TMEM273: variants seen among roughly 807,000 people sequenced by gnomAD.
TMEM273 encodes the protein transmembrane protein 273, also known as chromosome 10 open reading frame 128.
In TMEM273, 19 loss-of-function variants were observed where a neutral mutation model predicts 17.9. The observed-to-expected ratio is 1.06, with a 90% CI of 0.74 to 1.55. The LOEUF (loss-of-function observed/expected upper bound fraction) is 1.55, where lower values mean the gene tolerates loss of function less well. Among genes scored for constraint, TMEM273 ranks in the 40% most tolerant of loss-of-function variants. The pLI is 0.00. For synonymous variants in TMEM273, 66 were observed against 62.0 expected (o/e 1.07, Z -0.31); for missense variants, 194 against 155.6 (o/e 1.25, Z -1.31).
chr10:49,155,379 TC>T lies in TMEM273; in HGVS notation c.*512del, dbSNP rs1845451587. 1 of 170,616 alleles carries T rather than the reference TC, an allele frequency of 5.9e-6. No individual in the cohort carries two copies. The highest frequency in any genetic ancestry group is 1.3e-5 in the Non-Finnish European group (1 of 79,422). 10.6% of individuals were successfully genotyped at this position (170,616 alleles called of 1,614,324 possible). A position where few individuals can be genotyped will look rare whatever the true frequency, so the allele number is the denominator to read the frequency against. On this transcript the variant is annotated 3_prime_UTR_variant, in exon 7 of 7. Coordinates refer to ENST00000374153, the MANE Select transcript of TMEM273 (RefSeq NM_001288740.3). ...GATAGGGCTAGAGACCATCCCGGAG[TC>T]CCCATGTTTCAGGACTCCCGAATCT...
At chr10:49,167,056 C>T (rs746436140) in intron 2 of TMEM273, 47 bp from the exon 3 acceptor site, 4 of 1,603,442 alleles carry the variant, frequency 2.5e-6, no homozygotes, top group South Asian at 1.1e-5. Flanking sequence ...TCACCTGCAG[C>T]TCCCTCTGCA....
intron 5 of TMEM273, among the ~76,000 whole-genome samples, chr10:49,164,873 C>A (rs1313666496): frequency 6.6e-6 from 1 of 152,076 alleles, no homozygotes; most frequent in Non-Finnish European, 1.5e-5. Flanking sequence ...CCACCTGGGA[C>A]CTGCCTGTCT....
chr10:49,168,715 AGGGAGGGT>A (rs1846361022), intron 1 of TMEM273, among the ~76,000 whole-genome samples: 1 of 23,832 alleles, frequency 4.2e-5, no homozygotes, highest in Non-Finnish European at 8.7e-5. Flanking sequence ...GGAGGGAGGG[AGGGAGGGT>A]GGGAAGGAAG....
rs901556962 is a variant in TMEM273, at chr10:49,155,760, C to A, written c.*132G>T. On this transcript the variant is annotated 3_prime_UTR_variant, in exon 7 of 7. Coordinates refer to ENST00000374153, the MANE Select transcript of TMEM273 (RefSeq NM_001288740.3). ...ATATTCTATTCCTTCTATTATTTGC[C>A]TCCAATATTCAGTCCATGTGAAAGT... 8 of 1,270,532 alleles carry A rather than the reference C, an allele frequency of 6.3e-6. No homozygotes were observed. In the Admixed American group the frequency reaches 1.5e-4, roughly 24 times the overall value. 78.7% of individuals were successfully genotyped at this position (1,270,532 alleles called of 1,614,324 possible). A position where few individuals can be genotyped will look rare whatever the true frequency, so the allele number is the denominator to read the frequency against.
intron 1 of TMEM273, among the ~76,000 whole-genome samples, chr10:49,169,243 T>C (rs945669047): frequency 2.0e-5 from 3 of 152,190 alleles, no homozygotes; most frequent in Non-Finnish European, 4.4e-5. Context: ...GAGAGTGTGC[T>C]ACCACTCCTG....
At chr10:49,187,054 A>T (rs953997271) in intron 1 of TMEM273, among the ~76,000 whole-genome samples, 1 of 152,198 alleles carries the variant, frequency 6.6e-6, no homozygotes, top group Non-Finnish European at 1.5e-5. Flanking sequence ...GATTTCTTAA[A>T]TTTAACTTCC....
chr10:49,185,927 G>A (rs527375424), intron 1 of TMEM273, among the ~76,000 whole-genome samples: 3 of 151,620 alleles, frequency 2.0e-5, no homozygotes, highest in Admixed American at 6.6e-5. Context: ...GCGGTGAGCC[G>A]AGATCGCGCC....
At position 49,155,846 on chromosome 10, in the gene TMEM273, T is replaced by G; in HGVS notation, c.*46A>C. 1 of 1,614,082 alleles carries G rather than the reference T, an allele frequency of 6.2e-7. No individual in the cohort carries two copies. Among genetic ancestry groups the G allele is most frequent in the Non-Finnish European group, 8.5e-7 (1 of 1,179,986 alleles). On this transcript the variant is annotated 3_prime_UTR_variant, in exon 7 of 7. Transcript: ENST00000374153. ...CCTGAGATGTTAACCATGGGCTGTTTTCCACGGGGCTAGAACCCCTCTTCA... is the reference window on the plus strand; with the variant it reads ...CCTGAGATGTTAACCATGGGCTGTTGTCCACGGGGCTAGAACCCCTCTTCA...
At chr10:49,162,510 C>A (rs756491066) in intron 5 of TMEM273, among the ~76,000 whole-genome samples, 12 of 152,192 alleles carry the variant, frequency 7.9e-5, no homozygotes, top group Non-Finnish European at 1.5e-5. Flanking sequence ...AACTCAAAGT[C>A]CCCCTCAATG....
chr10:49,163,753 C>G (rs1274535887), intron 5 of TMEM273, among the ~76,000 whole-genome samples: 1 of 152,106 alleles, frequency 6.6e-6, no homozygotes, highest in Non-Finnish European at 1.5e-5. Flanking sequence ...TGCTGGGAGA[C>G]AGAGTTGATG....
chr10:49,170,934 A>G (rs940657740), intron 1 of TMEM273, among the ~76,000 whole-genome samples: 13 of 152,202 alleles, frequency 8.5e-5, no homozygotes, highest in African/African-American at 3.1e-4. Context: ...GGCTCTGCAA[A>G]GTAGCTGGAG....
intron 1 of TMEM273, among the ~76,000 whole-genome samples, chr10:49,187,632 C>G (rs1037892190): frequency 3.9e-5 from 6 of 152,222 alleles, no homozygotes; most frequent in African/African-American, 1.2e-4. Context: ...GTCTGTCTCT[C>G]TCTCTCTCTC....
intron 1 of TMEM273, among the ~76,000 whole-genome samples, chr10:49,175,700 C>T (rs755257684): frequency 3.9e-5 from 6 of 152,228 alleles, no homozygotes; most frequent in Non-Finnish European, 5.9e-5. Context: ...GGAGCTCCTC[C>T]AAGGGGGCAG....
rs142281227 is a variant in TMEM273 at position 49,167,038 on chromosome 10, G to A, written c.98-29C>T. ...AAACGCAGGGAGGAATTGAACACCC[G>A]GTTTCAGTCACCTGCAGCTCCCTCT... On this transcript the variant is annotated intron_variant, in intron 2 of 6. Coordinates refer to ENST00000374153, the MANE Select transcript of TMEM273 (RefSeq NM_001288740.3). The A allele has an allele frequency of 1.8e-3, 2,849 of 1,610,436 alleles. 14 individuals are homozygous for A. The highest frequency in any genetic ancestry group is 7.8e-3 in the South Asian group (708 of 90,722).
At chr10:49,164,193 G>C (rs890332071) in intron 5 of TMEM273, among the ~76,000 whole-genome samples, 1 of 152,086 alleles carries the variant, frequency 6.6e-6, no homozygotes, top group African/African-American at 2.4e-5. Context: ...CCAGCTCACT[G>C]CCCAAAGCTG....
At chr10:49,182,223 C>A (rs188385247) in intron 1 of TMEM273, among the ~76,000 whole-genome samples, 30 of 152,276 alleles carry the variant, frequency 2.0e-4, no homozygotes, top group Middle Eastern at 3.4e-3. Flanking sequence ...ATTCACACAC[C>A]ACATAATTCT....
At chr10:49,165,463 C>G (rs998170314) in intron 4 of TMEM273, 180 bp from the exon 5 acceptor site, 2 of 1,469,758 alleles carry the variant, frequency 1.4e-6, no homozygotes, top group Non-Finnish European at 1.8e-6. Context: ...AGGCCTCATT[C>G]TGAAAGTCAG....
At chr10:49,178,015 C>T (rs1331223227) in intron 1 of TMEM273, among the ~76,000 whole-genome samples, 3 of 152,172 alleles carry the variant, frequency 2.0e-5, no homozygotes, top group South Asian at 4.1e-4. Context: ...CAGCCAGCCT[C>T]CCCTCTCCTG....
chr10:49,173,154 G>C (rs1846692920), intron 1 of TMEM273, among the ~76,000 whole-genome samples: 1 of 152,222 alleles, frequency 6.6e-6, no homozygotes, highest in African/African-American at 2.4e-5. Flanking sequence ...CCCAGACCAA[G>C]TCCTAAAGAT....
Sources: allele counts gnomAD v4.1 joint callset (sites outside exome capture counted in the v4.1 genomes callset), GRCh38; gene constraint gnomAD v4.1.1; transcripts MANE v1.5; gene names NCBI Gene and HGNC (gene_info 2026-07-23, HGNC 2026-07-21).